The following PRDM5 variants were observed in gnomAD, a reference collection of about 807,000 sequenced individuals.
PRDM5 encodes the protein PR/SET domain 5.
PRDM5 carries 56 observed loss-of-function variants against 81.2 expected under a neutral mutation model. The observed-to-expected ratio is 0.69, with a 90% CI of 0.56 to 0.86. The LOEUF (loss-of-function observed/expected upper bound fraction) is 0.86. Ranked by LOEUF, PRDM5 falls within the 40% of genes least tolerant of loss-of-function variation. PRDM5 has a pLI of 0.00. For synonymous variants in PRDM5, 267 were observed against 256.4 expected (o/e 1.04, Z -0.39); for missense variants, 697 against 770.1 (o/e 0.91, Z 1.12).
chr4:120,917,694 A>G (rs1394794590), intron 1 of PRDM5, among the ~76,000 whole-genome samples: 2 of 133,596 alleles, frequency 1.5e-5, no homozygotes, highest in Non-Finnish European at 3.3e-5. Flanking sequence ...AAAAAAAAAA[A>G]ACAGAGCCAA....
At chr4:120,799,781 C>A in intron 8 of PRDM5, 36 bp from the exon 9 acceptor site, 1 of 1,602,198 alleles carries the variant, frequency 6.2e-7, no homozygotes, top group South Asian at 1.1e-5. Context: ...AATCAACTGT[C>A]AAAGCCTAGT....
At chr4:120,687,461 C>A (rs773570622), downstream of PRDM5, among the ~76,000 whole-genome samples, 20 of 152,004 alleles carry the variant, frequency 1.3e-4, no homozygotes, top group Non-Finnish European at 2.5e-4. Flanking sequence ...GAAATTATTT[C>A]TTTCTTTTGT....
intron 13 of PRDM5, 151 bp from the exon 14 acceptor site, chr4:120,754,789 C>T: frequency 2.9e-6 from 2 of 689,670 alleles, no homozygotes; most frequent in Non-Finnish European, 5.3e-6. Context: ...CAGATCCAAG[C>T]ATGGGTCGTG....
At chr4:120,813,982 C>G (rs574859231) in intron 7 of PRDM5, among the ~76,000 whole-genome samples, 7 of 152,302 alleles carry the variant, frequency 4.6e-5, no homozygotes, top group African/African-American at 1.4e-4. Context: ...TACATCAAAC[C>G]CTCATCCCCA....
At chr4:120,689,948 C>T (rs1733973935), downstream of PRDM5, among the ~76,000 whole-genome samples, 1 of 152,062 alleles carries the variant, frequency 6.6e-6, no homozygotes, top group African/African-American at 2.4e-5. Flanking sequence ...TAGTAATCCA[C>T]AAAAGGACCC....
At chr4:120,815,544 A>G (rs1352898198) in intron 7 of PRDM5, among the ~76,000 whole-genome samples, 1 of 152,244 alleles carries the variant, frequency 6.6e-6, no homozygotes. Flanking sequence ...TGGACAATGA[A>G]CAAATACAGG....
intron 13 of PRDM5, among the ~76,000 whole-genome samples, chr4:120,766,808 A>T (rs1746454982): frequency 6.6e-6 from 1 of 152,216 alleles, no homozygotes; most frequent in Non-Finnish European, 1.5e-5. Context: ...AACCCTTTCT[A>T]TTCTAAAGTC....
intron 5 of PRDM5, 151 bp from the exon 6 acceptor site, chr4:120,817,075 C>CTA (rs1209057167): frequency 9.6e-5 from 65 of 680,466 alleles, no homozygotes; most frequent in Non-Finnish European, 1.5e-4. Flanking sequence ...AGTACCTTAA[C>CTA]TATAAGCTCT....
chr4:120,801,352 G>A (rs1198304392), intron 8 of PRDM5, among the ~76,000 whole-genome samples: 5 of 152,194 alleles, frequency 3.3e-5, no homozygotes, highest in South Asian at 2.1e-4. Flanking sequence ...GGCCATAGAA[G>A]GCTTCAAGGC....
intron 14 of PRDM5, among the ~76,000 whole-genome samples, chr4:120,731,077 C>A (rs1161085960): frequency 6.6e-6 from 1 of 152,122 alleles, no homozygotes; most frequent in East Asian, 1.9e-4. Flanking sequence ...CACCTAAAGC[C>A]CTGCTATTTA....
At chr4:120,734,446 A>ACACACACACACACACACACC (rs941793836) in intron 14 of PRDM5, among the ~76,000 whole-genome samples, 10 of 151,146 alleles carry the variant, frequency 6.6e-5, no homozygotes, top group African/African-American at 2.4e-4. Context: ...ACACACACAC[A>ACACACACACACACACACACC]CCCTTACTCA....
Position 120,816,507 on chromosome 4 carries a change from T to A in PRDM5, c.811A>T (p.Lys271Ter). 1.2e-6 allele frequency: 2 copies of A among 1,614,188 alleles called. No homozygotes were observed. Among genetic ancestry groups the A allele is most frequent in the Non-Finnish European group, 1.7e-6 (2 of 1,180,034 alleles). ...RFVCKADSCG[K>*]RLKSKDALKR... Reference sequence around the variant, plus strand: ...AGGGCATCCTTGCTCTTCAGCCTCTTTCCACAGCTGTCAGCCTTGCACACA... The same window carrying A: ...AGGGCATCCTTGCTCTTCAGCCTCTATCCACAGCTGTCAGCCTTGCACACA... Residue 271 changes from lysine (K) to a stop codon, truncating the protein, a stop_gained, in exon 7 of 16, where the codon AAG becomes TAG. Transcript: ENST00000264808. LOFTEE classifies it high-confidence loss of function.
At chr4:120,840,609 A>C (rs994268849) in intron 3 of PRDM5, among the ~76,000 whole-genome samples, 1 of 151,814 alleles carries the variant, frequency 6.6e-6, no homozygotes, top group Non-Finnish European at 1.5e-5. Flanking sequence ...CCTTCCCCCC[A>C]TGGGCAAGCA....
chr4:120,880,134 T>G (rs890990299), intron 2 of PRDM5, among the ~76,000 whole-genome samples: 1 of 152,180 alleles, frequency 6.6e-6, no homozygotes, highest in African/African-American at 2.4e-5. Context: ...ATGGGAACTC[T>G]TCTGTAATTT....
At chr4:120,712,383 A>G (rs899283894) in intron 14 of PRDM5, among the ~76,000 whole-genome samples, 4 of 152,200 alleles carry the variant, frequency 2.6e-5, no homozygotes, top group Admixed American at 2.0e-4. Context: ...CAAAAAATCT[A>G]TAACTTTTTT....
intron 12 of PRDM5, 124 bp from the exon 13 acceptor site, chr4:120,777,405 T>C (rs756415289): frequency 3.1e-5 from 46 of 1,499,076 alleles, no homozygotes; most frequent in Non-Finnish European, 3.9e-5. Flanking sequence ...TGATTTAATT[T>C]CACAATGAGA....
intron 14 of PRDM5, among the ~76,000 whole-genome samples, chr4:120,749,010 G>T (rs565450320): frequency 6.6e-6 from 1 of 152,172 alleles, no homozygotes; most frequent in East Asian, 1.9e-4. Context: ...AGAATTAAGT[G>T]GGAAAAGTTA....
intron 2 of PRDM5, among the ~76,000 whole-genome samples, chr4:120,865,360 G>C (rs900192881): frequency 6.6e-6 from 1 of 152,178 alleles, no homozygotes; most frequent in Admixed American, 6.5e-5. Flanking sequence ...CAGACACTGA[G>C]ATTATTCAGT....
chr4:120,904,189 CAA>C (rs1170050475), intron 2 of PRDM5, among the ~76,000 whole-genome samples: 5 of 42,580 alleles, frequency 1.2e-4, no homozygotes, highest in Admixed American at 9.5e-4. Context: ...GACTCCTTCT[CAA>C]AAAAAAAAAA....
Sources: gnomAD v4.1 joint callset for allele counts (sites outside exome capture counted in the v4.1 genomes callset) on GRCh38, gnomAD v4.1.1 for gene constraint, MANE v1.5 for transcripts, NCBI Gene and HGNC (gene_info 2026-07-23, HGNC 2026-07-21) for gene names.